Variants in TTC28 observed in about 807,000 individuals in gnomAD.
The protein encoded by TTC28 is tetratricopeptide repeat protein 28.
A neutral mutation model predicts 198.0 loss-of-function variants in TTC28; 61 were observed. That is an observed-to-expected ratio of 0.31 (90% CI 0.25 to 0.38). The LOEUF (loss-of-function observed/expected upper bound fraction) is 0.38. TTC28 is among the 10% of genes least tolerant of loss of function. The pLI is 1.00. For synonymous variants in TTC28, 1,171 were observed against 1,297.8 expected, an observed-to-expected ratio of 0.90 and a Z score of 2.10; for missense variants, 2,678 against 3,164.0, an observed-to-expected ratio of 0.85 and a Z score of 3.69.
intron 1 of TTC28, among the ~76,000 whole-genome samples, chr22:28,663,321 G>T (rs895229939): frequency 2.0e-5 from 3 of 150,814 alleles, no homozygotes; most frequent in Non-Finnish European, 3.0e-5. Flanking sequence ...GAACAGCTCC[G>T]GTCTACAGCT....
intron 6 of TTC28, among the ~76,000 whole-genome samples, chr22:28,127,518 G>A (rs1016829090): frequency 1.3e-5 from 2 of 152,076 alleles, no homozygotes; most frequent in African/African-American, 4.8e-5. Context: ...CTTGAAATGT[G>A]GCTAGTCCAA....
intron 6 of TTC28, among the ~76,000 whole-genome samples, chr22:28,119,436 C>G (rs1942726104): frequency 1.3e-5 from 2 of 152,230 alleles, no homozygotes; most frequent in African/African-American, 4.8e-5. Flanking sequence ...GGGAACTTGA[C>G]ACCAGATCAT....
chr22:28,475,278 A>G (rs568893166), intron 2 of TTC28, among the ~76,000 whole-genome samples: 2 of 152,246 alleles, frequency 1.3e-5, no homozygotes, highest in East Asian at 1.9e-4. Context: ...CCCAGCAGCT[A>G]AGGTCACAAG....
chr22:28,447,372 A>C (rs2047719439), intron 2 of TTC28, among the ~76,000 whole-genome samples: 1 of 152,198 alleles, frequency 6.6e-6, no homozygotes, highest in Non-Finnish European at 1.5e-5. Flanking sequence ...AGATCCTCTA[A>C]ATTTTCATGA....
chr22:28,634,912 T>C (rs1022066459), intron 1 of TTC28, among the ~76,000 whole-genome samples: 37 of 152,032 alleles, frequency 2.4e-4, no homozygotes, highest in African/African-American at 8.9e-4. Flanking sequence ...TTATCTGCAA[T>C]TGATAAACTT....
intron 6 of TTC28, among the ~76,000 whole-genome samples, chr22:28,134,942 T>A (rs778752411): frequency 6.6e-6 from 1 of 152,256 alleles, no homozygotes; most frequent in Admixed American, 6.5e-5. Context: ...ATTCTTATAA[T>A]GTTTACTTTA....
chr22:28,003,210 T>A (rs1937785783), intron 14 of TTC28, among the ~76,000 whole-genome samples: 2 of 151,860 alleles, frequency 1.3e-5, no homozygotes, highest in South Asian at 2.1e-4. Context: ...GCTCCATAGG[T>A]AAAGGTGGCT....
At chr22:28,537,858 G>T (rs2049329571) in intron 2 of TTC28, among the ~76,000 whole-genome samples, 1 of 152,116 alleles carries the variant, frequency 6.6e-6, no homozygotes, top group Non-Finnish European at 1.5e-5. Flanking sequence ...CAAAGAAGCT[G>T]TGCGCAGTGT....
chr22:28,038,620 A>G (rs1019405906), intron 12 of TTC28, among the ~76,000 whole-genome samples: 8 of 152,166 alleles, frequency 5.3e-5, no homozygotes, highest in African/African-American at 1.2e-4. Flanking sequence ...CAAGGACTTC[A>G]TGTCTAAAAC....
At chr22:28,564,091 C>A (rs1838201611) in intron 2 of TTC28, among the ~76,000 whole-genome samples, 1 of 152,114 alleles carries the variant, frequency 6.6e-6, no homozygotes, top group Non-Finnish European at 1.5e-5. Context: ...ATAGGTAAAT[C>A]TACAGAATGT....
chr22:28,088,336 C>T (rs1048685727), intron 12 of TTC28, among the ~76,000 whole-genome samples: 5 of 152,100 alleles, frequency 3.3e-5, no homozygotes, highest in East Asian at 1.9e-4. Flanking sequence ...TGGAACAGAA[C>T]AGAGCCCTCA....
At chr22:28,330,433 G>C (rs1025707836) in intron 2 of TTC28, among the ~76,000 whole-genome samples, 1 of 152,074 alleles carries the variant, frequency 6.6e-6, no homozygotes, top group African/African-American at 2.4e-5. Flanking sequence ...AGGGTCCCTT[G>C]CACCACATGA....
intron 2 of TTC28, among the ~76,000 whole-genome samples, chr22:28,564,383 TACC>T (rs1315327188): frequency 1.3e-5 from 2 of 152,210 alleles, no homozygotes; most frequent in African/African-American, 4.8e-5. Flanking sequence ...TCTTACAAGA[TACC>T]ACATCAAACT....
intron 12 of TTC28, among the ~76,000 whole-genome samples, chr22:28,089,980 G>C (rs991477899): frequency 1.3e-5 from 2 of 151,782 alleles, no homozygotes; most frequent in Non-Finnish European, 2.9e-5. Flanking sequence ...GGTGGGAGGG[G>C]AGAAGGATAG....
chr22:27,981,658 C>CA lies in TTC28; in HGVS notation c.*562dup, dbSNP rs1482107630. The CA allele has an allele frequency of 6.6e-6, 1 of 152,010 alleles. No homozygotes were observed. Among genetic ancestry groups the CA allele is most frequent in the African/African-American group, 2.4e-5 (1 of 41,374 alleles). The allele number at this position is 152,010 out of a possible 1,614,324, so 9.4% of individuals were successfully genotyped here. On this transcript the variant is annotated 3_prime_UTR_variant, in exon 23 of 23. Coordinates refer to ENST00000397906, the MANE Select transcript of TTC28 (RefSeq NM_001145418.2). ...CTGAGATATTACACTATCATGAGACCAAAATTGCTACAATTTAATTACAAA... is the reference window on the plus strand; with the variant it reads ...CTGAGATATTACACTATCATGAGACCAAAAATTGCTACAATTTAATTACAAA...
At position 28,380,229 on chromosome 22, in the gene TTC28, A is replaced by G. The variant is rs1339599033; in HGVS notation, c.382-73586T>C. Among the ~76,000 whole-genome samples, 3 of 152,060 alleles carry G rather than the reference A, an allele frequency of 2.0e-5. No homozygotes were observed. In the East Asian group the frequency reaches 5.8e-4, roughly 29 times the overall value. On this transcript the variant is annotated intron_variant, in intron 2 of 22. Coordinates refer to ENST00000397906, the MANE Select transcript of TTC28 (RefSeq NM_001145418.2). ...AAAGCCCCACTGTTAATATAGGTGA[A>G]TAAACTCCAAGATGAGCACATTTTA...
Position 28,590,034 on chromosome 22 carries a change from C to CAAAAAAAAAAAAA in TTC28, c.381+39505_381+39517dup, listed in dbSNP as rs71194779. On this transcript the variant is annotated intron_variant, in intron 2 of 22. Coordinates refer to ENST00000397906, the MANE Select transcript of TTC28 (RefSeq NM_001145418.2). ...CCTGGGCAACAGAACAAGACTCCAT[C>CAAAAAAAAAAAAA]AAAAAAAAAAAAAAAAAAAAAAAAA... is the stretch of plus-strand genomic sequence containing the variant. Among the ~76,000 whole-genome samples the CAAAAAAAAAAAAA allele has an allele frequency of 4.3e-3, 294 of 68,024 alleles. 5 individuals are homozygous for CAAAAAAAAAAAAA. The highest frequency in any genetic ancestry group is 5.1e-3 in the Non-Finnish European group (214 of 41,874). 44.6% of individuals were successfully genotyped at this position (68,024 alleles called of 152,430 possible). A position where few individuals can be genotyped will look rare whatever the true frequency, so the allele number is the denominator to read the frequency against.
intron 5 of TTC28, among the ~76,000 whole-genome samples, chr22:28,216,770 G>A (rs1268101118): frequency 6.6e-6 from 1 of 152,122 alleles, no homozygotes; most frequent in African/African-American, 2.4e-5. Flanking sequence ...CACCCAGACT[G>A]AAGTACAGTG....
At chr22:28,550,163 A>T (rs1036095796) in intron 2 of TTC28, among the ~76,000 whole-genome samples, 2 of 152,178 alleles carry the variant, frequency 1.3e-5, no homozygotes, top group African/African-American at 4.8e-5. Context: ...TGAAAAAAAG[A>T]GGTAAATGGT....
Sources: allele counts gnomAD v4.1 joint callset (sites outside exome capture counted in the v4.1 genomes callset), GRCh38; gene constraint gnomAD v4.1.1; transcripts MANE v1.5; gene names NCBI Gene and HGNC (gene_info 2026-07-23, HGNC 2026-07-21).